Variants in CFAP54 observed in about 807,000 individuals in gnomAD.
CFAP54 encodes cilia- and flagella-associated protein 54.
In CFAP54, 290 loss-of-function variants were observed where a neutral mutation model predicts 370.4. The observed-to-expected ratio is 0.78, with a 90% CI of 0.71 to 0.86. The LOEUF (loss-of-function observed/expected upper bound fraction) is 0.86, where lower values mean the gene tolerates loss of function less well. Among genes scored for constraint, CFAP54 ranks in the 40% least tolerant of loss-of-function variants. The pLI, the probability that CFAP54 is intolerant of heterozygous loss-of-function variation, is 0.00. For synonymous variants in CFAP54, 1,206 were observed against 1,236.5 expected, an observed-to-expected ratio of 0.98 and a Z score of 0.52; for missense variants, 3,399 against 3,528.7, an observed-to-expected ratio of 0.96 and a Z score of 0.93.
At position 96,688,958 on chromosome 12, in the gene CFAP54, C is replaced by T. The variant is rs761435782; in HGVS notation, c.6057C>T (p.Cys2019=). Residue 2019 remains cysteine, a synonymous_variant, in exon 43 of 68, where the codon TGC becomes TGT. Coordinates refer to ENST00000524981, the MANE Select transcript of CFAP54 (RefSeq NM_001306084.2). ...ATGTTGAAAAGAAAACTGACTGTTG[C>T]ATTTTGTCTGCGTTACTCTTTCAGG... ...SLNVEKKTDC[C]ILSALLFQGL... 6.3e-7 allele frequency: 1 copy of T among 1,582,800 alleles called. No homozygotes were observed. Among genetic ancestry groups the T allele is most frequent in the Admixed American group, 1.9e-5 (1 of 52,660 alleles).
intron 62 of CFAP54, among the ~76,000 whole-genome samples, chr12:96,788,311 G>A (rs1195277819): frequency 6.6e-6 from 1 of 152,088 alleles, no homozygotes; most frequent in Non-Finnish European, 1.5e-5. Context: ...ACATTTTTCT[G>A]CTTCGTAGAT....
intron 40 of CFAP54, among the ~76,000 whole-genome samples, chr12:96,680,562 G>A (rs1255283508): frequency 6.6e-6 from 1 of 152,074 alleles, no homozygotes; most frequent in Non-Finnish European, 1.5e-5. Context: ...TAATTAAAAT[G>A]CTAATTTCCA....
chr12:96,647,701 T>G (rs1474607342), intron 33 of CFAP54, among the ~76,000 whole-genome samples, 174 bp from the exon 34 acceptor site: 2 of 152,068 alleles, frequency 1.3e-5, no homozygotes, highest in African/African-American at 4.8e-5. Flanking sequence ...TTACATTGCA[T>G]AATTTTAAAA....
chr12:96,723,503 G>T lies in CFAP54; in HGVS notation c.6965+2938G>T, dbSNP rs1040371402. On this transcript the variant is annotated intron_variant, in intron 50 of 67. Transcript: ENST00000524981. The stretch of plus-strand genomic sequence containing the variant: ...GTGCCACAAGCTTCTGATAGATTGA[G>T]TAAGGTAAGGATAGAGAGTTGACCC... Among the ~76,000 whole-genome samples the T allele has an allele frequency of 1.5e-4, 23 of 152,262 alleles. No homozygotes were observed. In the East Asian group the frequency reaches 4.4e-3, roughly 29 times the overall value.
chr12:96,665,507 G>C (rs1232061256), intron 39 of CFAP54, among the ~76,000 whole-genome samples: 1 of 152,154 alleles, frequency 6.6e-6, no homozygotes, highest in Non-Finnish European at 1.5e-5. Context: ...TATAGTGTAA[G>C]GAAGGGGTTT....
rs548731216 is a variant in CFAP54 at position 96,492,640 on chromosome 12, C to T, written c.317+2714C>T. Among the ~76,000 whole-genome samples, 23 of 152,288 alleles carry T rather than the reference C, an allele frequency of 1.5e-4. 1 individual carries two copies. The East Asian group carries it at 3.9e-3, about 26-fold the overall frequency. On this transcript the variant is annotated intron_variant, in intron 1 of 67. Coordinates refer to ENST00000524981, the MANE Select transcript of CFAP54 (RefSeq NM_001306084.2). Reference sequence around the variant, plus strand: ...TCATTGCTGTATTTCTGGCACTTAGCCTGGGGGTTGGGACATAATAAACAT... The same window carrying T: ...TCATTGCTGTATTTCTGGCACTTAGTCTGGGGGTTGGGACATAATAAACAT...
At chr12:96,523,574 A>G (rs1955343445) in intron 8 of CFAP54, among the ~76,000 whole-genome samples, 3 of 152,242 alleles carry the variant, frequency 2.0e-5, no homozygotes, top group Non-Finnish European at 2.9e-5. Context: ...AACCAACAGT[A>G]TATTAATTGG....
chr12:96,753,846 A>C lies in CFAP54; in HGVS notation c.7788A>C (p.Arg2596Ser), dbSNP rs1341682054. ...TTGATGTGGCACTGAAGCTCTGTAG[A>C]ACAACAGCAGTGGAGGAACATGAGG... ...HLFDVALKLCRTTAVEEHEVE... is the reference protein window; with the variant it reads ...HLFDVALKLCSTTAVEEHEVE... Residue 2596 changes from arginine (R) to serine (S), a missense_variant, in exon 56 of 68, where the codon AGA (arginine) becomes AGC (serine). Arg to Ser is a moderately radical substitution (Grantham distance 110). This residue lies in a region of CFAP54 where 2,796 missense variants were observed against 2,869.7 expected (regional missense o/e 0.97). Coordinates refer to ENST00000524981, the MANE Select transcript of CFAP54 (RefSeq NM_001306084.2). 8.1e-6 allele frequency: 13 copies of C among 1,613,894 alleles called. No individual in the cohort carries two copies. Among genetic ancestry groups the C allele is most frequent in the Non-Finnish European group, 1.1e-5 (13 of 1,179,942 alleles).
chr12:96,724,186 T>C (rs1236556838), intron 50 of CFAP54, among the ~76,000 whole-genome samples: 1 of 150,314 alleles, frequency 6.7e-6, no homozygotes, highest in Non-Finnish European at 1.5e-5. Context: ...TTTGGGTATA[T>C]ACCCAGTAAT....
chr12:96,675,176 G>C (rs1340583008), intron 39 of CFAP54, among the ~76,000 whole-genome samples: 1 of 151,970 alleles, frequency 6.6e-6, no homozygotes, highest in Non-Finnish European at 1.5e-5. Context: ...GAAAATTTTT[G>C]CAATCTACTC....
chr12:96,562,841 T>G (rs533824495), intron 17 of CFAP54, among the ~76,000 whole-genome samples: 162 of 152,238 alleles, frequency 1.1e-3, no homozygotes, highest in African/African-American at 3.8e-3. Flanking sequence ...AAACTACTTC[T>G]CCTATGACCT....
At position 96,743,717 on chromosome 12, in the gene CFAP54, T is replaced by C; in HGVS notation, c.7378-14T>C. 1.3e-6 allele frequency: 2 copies of C among 1,572,674 alleles called. No homozygotes were observed. Among genetic ancestry groups the C allele is most frequent in the Non-Finnish European group, 1.7e-6 (2 of 1,158,982 alleles). ...GAAACAGTACTATCAAAATGAATAA[T>C]TTTATTTTAATAGGATATAATACAT... On this transcript the variant is annotated splice_polypyrimidine_tract_variant and intron_variant, in intron 53 of 67. Coordinates refer to ENST00000524981, the MANE Select transcript of CFAP54 (RefSeq NM_001306084.2).
At chr12:96,792,259 A>C in intron 62 of CFAP54, 70 bp from the exon 63 acceptor site, 1 of 1,311,792 alleles carries the variant, frequency 7.6e-7, no homozygotes, top group Non-Finnish European at 1.0e-6. Flanking sequence ...AATATAGCCA[A>C]ATAATTTGTT....
chr12:96,670,830 C>T (rs750646757), intron 39 of CFAP54, among the ~76,000 whole-genome samples: 8 of 152,178 alleles, frequency 5.3e-5, no homozygotes, highest in Non-Finnish European at 8.8e-5. Flanking sequence ...GCTGTGACAC[C>T]GCCAGCATAG....
intron 67 of CFAP54, among the ~76,000 whole-genome samples, chr12:96,861,888 C>G (rs1280885958): frequency 6.6e-6 from 1 of 152,124 alleles, no homozygotes; most frequent in Admixed American, 6.6e-5. Flanking sequence ...CATGTGAATA[C>G]TTCCCAGATG....
At chr12:96,591,447 G>C (rs1592867600) in intron 23 of CFAP54, among the ~76,000 whole-genome samples, 2 of 152,292 alleles carry the variant, frequency 1.3e-5, no homozygotes, top group South Asian at 4.1e-4. Context: ...GGGGAGGCAG[G>C]CTGAAGGAAA....
At chr12:96,630,871 A>G (rs546472178) in intron 32 of CFAP54, among the ~76,000 whole-genome samples, 1 of 152,188 alleles carries the variant, frequency 6.6e-6, no homozygotes, top group East Asian at 1.9e-4. Context: ...ATGAACTAAT[A>G]TAGAATATTT....
Position 96,651,792 on chromosome 12 carries a change from C to T in CFAP54, c.5077C>T (p.Leu1693=). The T allele has an allele frequency of 6.3e-7, 1 of 1,597,780 alleles. No homozygotes were observed. Among genetic ancestry groups the T allele is most frequent in the Non-Finnish European group, 8.6e-7 (1 of 1,165,364 alleles). ...AELLIDMLIQ[L]QNTSSIKPIE... Reference sequence around the variant, plus strand: ...ATTACTTATTGACATGTTAATACAACTACAAAATACCAGTTCTATTAAGGT... The same window carrying T: ...ATTACTTATTGACATGTTAATACAATTACAAAATACCAGTTCTATTAAGGT... The change falls in exon 36 of 68, where the codon CTA becomes TTA. Residue 1693 remains leucine (L), a synonymous_variant. Coordinates refer to ENST00000524981, the MANE Select transcript of CFAP54 (RefSeq NM_001306084.2).
At chr12:96,827,789 AT>A (rs1959136438) in intron 65 of CFAP54, among the ~76,000 whole-genome samples, 1 of 90,068 alleles carries the variant, frequency 1.1e-5, no homozygotes, top group South Asian at 2.9e-4. Flanking sequence ...TATATATAAT[AT>A]ATAATTATAT....
Sources: allele counts gnomAD v4.1 joint callset (sites outside exome capture counted in the v4.1 genomes callset), GRCh38; gene constraint gnomAD v4.1.1; regional missense constraint gnomAD v4.1.1; transcripts MANE v1.5; gene names NCBI Gene and HGNC (gene_info 2026-07-23, HGNC 2026-07-21).